GABRB1: variants seen among roughly 807,000 people sequenced by gnomAD.
GABRB1 encodes the protein gamma-aminobutyric acid type A receptor subunit beta1, also known as gamma-aminobutyric acid receptor subunit beta-1.
GABRB1 carries 17 observed loss-of-function variants against 51.6 expected under a neutral mutation model. The ratio of observed to expected loss-of-function variants is 0.33; its 90% confidence interval spans 0.23 to 0.49. GABRB1 has a LOEUF of 0.49. Ranked by LOEUF, GABRB1 falls within the 20% of genes least tolerant of loss-of-function variation. The probability of loss-of-function intolerance (pLI) is 0.99; values close to 1 mark genes in which losing one functional copy is unlikely to be tolerated. For synonymous variants in GABRB1, 247 were observed against 218.9 expected (o/e 1.13, Z -1.14); for missense variants, 410 against 600.6 (o/e 0.68, Z 3.32).
chr4:47,289,689 A>G (rs1433898265), intron 4 of GABRB1, among the ~76,000 whole-genome samples: 1 of 152,230 alleles, frequency 6.6e-6, no homozygotes, highest in Non-Finnish European at 1.5e-5. Flanking sequence ...AAACCCATGC[A>G]TGACATAAGA....
intron 4 of GABRB1, among the ~76,000 whole-genome samples, chr4:47,306,615 T>C (rs894870858): frequency 4.6e-5 from 7 of 152,164 alleles, no homozygotes; most frequent in Non-Finnish European, 8.8e-5. Context: ...AAAATTACTG[T>C]GTATCCTTTC....
chr4:47,242,869 G>A (rs1481896848), intron 4 of GABRB1, among the ~76,000 whole-genome samples: 2 of 152,120 alleles, frequency 1.3e-5, no homozygotes, highest in Admixed American at 1.3e-4. Flanking sequence ...TTCTTTTGCT[G>A]TGCAGAAGCT....
At chr4:47,296,705 C>T (rs1162894288) in intron 4 of GABRB1, among the ~76,000 whole-genome samples, 2 of 152,124 alleles carry the variant, frequency 1.3e-5, no homozygotes, top group Non-Finnish European at 2.9e-5. Context: ...ATCAACGAGA[C>T]AGAAAGTTAA....
At chr4:47,006,833 C>A (rs566530832) in intron 1 of GABRB1, among the ~76,000 whole-genome samples, 24 of 152,234 alleles carry the variant, frequency 1.6e-4, no homozygotes, top group Admixed American at 6.5e-4. Context: ...CACTGAATAA[C>A]AAAACCAATC....
At chr4:47,148,498 C>T (rs1416654901) in intron 3 of GABRB1, among the ~76,000 whole-genome samples, 1 of 152,010 alleles carries the variant, frequency 6.6e-6, no homozygotes, top group African/African-American at 2.4e-5. Context: ...CTGTCACTTA[C>T]AAATAATTTC....
chr4:47,216,508 A>G (rs867359415), intron 4 of GABRB1, among the ~76,000 whole-genome samples: 2 of 151,930 alleles, frequency 1.3e-5, no homozygotes, highest in South Asian at 4.1e-4. Flanking sequence ...TTGTAATGTG[A>G]TATCATCTGT....
chr4:47,125,552 ATAATTTC>A lies in GABRB1; in HGVS notation c.241-35695_241-35689del, dbSNP rs1372237352. Among the ~76,000 whole-genome samples, 3 of 45,576 alleles carry A rather than the reference ATAATTTC, an allele frequency of 6.6e-5. No homozygotes were observed. In the Admixed American group the frequency reaches 1.1e-3, roughly 17 times the overall value. 29.9% of individuals were successfully genotyped at this position (45,576 alleles called of 152,430 possible). ...TAGGTATCTCTAGACACAACAAAGTATAATTTCTTTTTTTTTTTTTTGAGACGGAGTC... is the reference window on the plus strand; with the variant it reads ...TAGGTATCTCTAGACACAACAAAGTATTTTTTTTTTTTTTGAGACGGAGTC... On this transcript the variant is annotated intron_variant, in intron 3 of 8. Coordinates refer to ENST00000295454, the MANE Select transcript of GABRB1 (RefSeq NM_000812.4).
chr4:47,148,523 T>C (rs1717280104), intron 3 of GABRB1, among the ~76,000 whole-genome samples: 1 of 152,102 alleles, frequency 6.6e-6, no homozygotes, highest in Non-Finnish European at 1.5e-5. Context: ...AAGGGAAATA[T>C]AGTTGCTACT....
intron 4 of GABRB1, among the ~76,000 whole-genome samples, chr4:47,215,608 TTC>T (rs2109816280): frequency 6.6e-6 from 1 of 152,170 alleles, no homozygotes; most frequent in Non-Finnish European, 1.5e-5. Flanking sequence ...GATATTGAGT[TTC>T]TCTGTTTTTT....
At chr4:47,099,145 C>T (rs1714606587) in intron 3 of GABRB1, among the ~76,000 whole-genome samples, 1 of 152,020 alleles carries the variant, frequency 6.6e-6, no homozygotes, top group Admixed American at 6.6e-5. Flanking sequence ...AAAATTCTAT[C>T]AAAGAACAAA....
intron 5 of GABRB1, among the ~76,000 whole-genome samples, chr4:47,345,731 T>C (rs958013218): frequency 1.4e-4 from 21 of 152,060 alleles, no homozygotes; most frequent in Admixed American, 1.3e-4. Context: ...ATGCCACAAG[T>C]AGAAAATGTT....
At chr4:47,021,877 A>T (rs1325587129) in intron 1 of GABRB1, among the ~76,000 whole-genome samples, 6 of 152,104 alleles carry the variant, frequency 3.9e-5, no homozygotes, top group African/African-American at 1.4e-4. Context: ...GGTATGAATG[A>T]CTTACTATAC....
intron 5 of GABRB1, among the ~76,000 whole-genome samples, chr4:47,364,270 G>A (rs1004905814): frequency 3.3e-5 from 5 of 152,108 alleles, no homozygotes; most frequent in Admixed American, 6.6e-5. Context: ...AAAGTGGAAG[G>A]ACAAAGGCCT....
intron 5 of GABRB1, among the ~76,000 whole-genome samples, chr4:47,398,327 G>A (rs1728250776): frequency 6.6e-6 from 1 of 152,144 alleles, no homozygotes; most frequent in Non-Finnish European, 1.5e-5. Context: ...TGCAAATCCT[G>A]ATAGTTTAAC....
intron 4 of GABRB1, among the ~76,000 whole-genome samples, chr4:47,257,380 T>A (rs1053837655): frequency 1.3e-5 from 2 of 152,168 alleles, no homozygotes; most frequent in African/African-American, 2.4e-5. Context: ...TTTGTGAAAC[T>A]CTCATCAGAT....
At chr4:47,248,898 C>T (rs1721872159) in intron 4 of GABRB1, among the ~76,000 whole-genome samples, 1 of 151,902 alleles carries the variant, frequency 6.6e-6, no homozygotes, top group Non-Finnish European at 1.5e-5. Flanking sequence ...TTTCTCTCTT[C>T]CTTTCTTGGT....
intron 4 of GABRB1, among the ~76,000 whole-genome samples, chr4:47,318,594 A>G (rs1724966568): frequency 6.6e-6 from 1 of 152,066 alleles, no homozygotes; most frequent in African/African-American, 2.4e-5. Flanking sequence ...CTATCCTAGG[A>G]TGAGAGTTCA....
At chr4:47,213,421 G>A (rs569731483) in intron 4 of GABRB1, among the ~76,000 whole-genome samples, 1 of 148,310 alleles carries the variant, frequency 6.7e-6, no homozygotes, top group African/African-American at 2.5e-5. Flanking sequence ...TTTCACATTC[G>A]CTCTCTCTCT....
intron 4 of GABRB1, among the ~76,000 whole-genome samples, chr4:47,179,023 T>C (rs1718827541): frequency 6.6e-6 from 1 of 152,082 alleles, no homozygotes; most frequent in Non-Finnish European, 1.5e-5. Context: ...CATGCAGGTT[T>C]GTTACATAGG....
Sources: allele counts gnomAD v4.1 joint callset (sites outside exome capture counted in the v4.1 genomes callset), GRCh38; gene constraint gnomAD v4.1.1; transcripts MANE v1.5; gene names NCBI Gene and HGNC (gene_info 2026-07-23, HGNC 2026-07-21).